Variants in INTS15 observed in about 807,000 individuals in gnomAD.
The protein encoded by INTS15 is uncharacterized protein C7orf26.
At chr7:6,600,005 G>T in the INTS15 span, 2 of 1,614,158 alleles carry the variant, frequency 1.2e-6, no homozygotes, top group South Asian at 2.2e-5. Flanking sequence ...GGCACCCCTG[G>T]CTTATAAAAG....
the INTS15 span, chr7:6,607,798 C>G: frequency 4.0e-6 from 6 of 1,486,724 alleles, no homozygotes; most frequent in Non-Finnish European, 4.5e-6. The surrounding 1 kb of genome is among the most constrained non-coding windows in gnomAD (Gnocchi z 6.0). Flanking sequence ...GGTCCTGGCT[C>G]TGCCACTGCT....
At chr7:6,606,157 G>C in the INTS15 span, among the ~76,000 whole-genome samples, 57 of 152,276 alleles carry the variant, frequency 3.7e-4, no homozygotes, top group African/African-American at 1.3e-3. Context: ...CTCCTCCTTG[G>C]GTTCGTTAAT....
chr7:6,607,549 C>T, the INTS15 span: 245 of 1,324,016 alleles, frequency 1.9e-4, no homozygotes, highest in Non-Finnish European at 2.3e-4. The surrounding 1 kb of genome is among the most constrained non-coding windows in gnomAD (Gnocchi z 6.0). Context: ...CTCTGAATTT[C>T]GGGGTCGTTT....
At chr7:6,603,648 G>T in the INTS15 span, among the ~76,000 whole-genome samples, 3 of 151,730 alleles carry the variant, frequency 2.0e-5, no homozygotes, top group Non-Finnish European at 1.5e-5. Flanking sequence ...AGTCCAACTT[G>T]GCCAACATGG....
chr7:6,605,208 C>T, the INTS15 span, among the ~76,000 whole-genome samples: 2 of 152,090 alleles, frequency 1.3e-5, no homozygotes, highest in East Asian at 3.9e-4. Context: ...AGGCTGGTCT[C>T]GAACTCCTGA....
At chr7:6,601,124 A>C in the INTS15 span, among the ~76,000 whole-genome samples, 2 of 151,900 alleles carry the variant, frequency 1.3e-5, no homozygotes, top group Non-Finnish European at 2.9e-5. Flanking sequence ...GTACCACCAC[A>C]CCCAGCTAAT....
the INTS15 span, chr7:6,590,142 CA>C: frequency 6.4e-6 from 4 of 625,200 alleles, no homozygotes; most frequent in Non-Finnish European, 9.4e-6. Flanking sequence ...AGGCAGGGAG[CA>C]GGCGGCGGCA....
chr7:6,590,556 A>G, the INTS15 span: 11 of 1,408,322 alleles, frequency 7.8e-6, no homozygotes, highest in South Asian at 1.5e-5. Flanking sequence ...GGCTGTGTCA[A>G]GCCGCGGGCG....
chr7:6,595,360 C>T, the INTS15 span, among the ~76,000 whole-genome samples: 3 of 152,046 alleles, frequency 2.0e-5, no homozygotes, highest in African/African-American at 7.2e-5. Context: ...GATGGAGTTT[C>T]ACTGTGTTGC....
the INTS15 span, among the ~76,000 whole-genome samples, chr7:6,598,766 TGTGTGTGTGTGTGTGTGTGTA>T: frequency 0.03 from 3,358 of 111,026 alleles, 68 homozygotes; most frequent in Middle Eastern, 0.047. Context: ...TGTGTGTGTG[TGTGTGTGTGTGTGTGTGTGTA>T]TTTTTTTTTT....
the INTS15 span, chr7:6,594,528 A>T: frequency 1.2e-6 from 2 of 1,614,136 alleles, no homozygotes. Flanking sequence ...GCTGAAGCAG[A>T]TATTCAGTGC....
chr7:6,602,833 C>A, the INTS15 span: 1 of 442,874 alleles, frequency 2.3e-6, no homozygotes. Context: ...CCTTGGTCAG[C>A]TTCCCTGCCT....
chr7:6,593,823 C>T, the INTS15 span, among the ~76,000 whole-genome samples: 1 of 150,820 alleles, frequency 6.6e-6, no homozygotes, highest in Non-Finnish European at 1.5e-5. Flanking sequence ...CTAATTTTTT[C>T]TATTTTTTAT....
At chr7:6,593,724 C>G in the INTS15 span, among the ~76,000 whole-genome samples, 2 of 148,712 alleles carry the variant, frequency 1.3e-5, no homozygotes, top group African/African-American at 5.0e-5. Flanking sequence ...ACGGGGCTCA[C>G]TGCAGACTCA....
chr7:6,590,096 C>A, the INTS15 span: 1 of 385,522 alleles, frequency 2.6e-6, no homozygotes, highest in African/African-American at 2.1e-5. Context: ...CTTCGGGCGC[C>A]TGCTGGCCGG....
At chr7:6,594,927 T>C in the INTS15 span, among the ~76,000 whole-genome samples, 2 of 152,158 alleles carry the variant, frequency 1.3e-5, no homozygotes, top group East Asian at 3.9e-4. Context: ...GGGGTTTTAA[T>C]GTGTTGGCCA....
the INTS15 span, among the ~76,000 whole-genome samples, chr7:6,598,468 CAAA>C: frequency 4.1e-5 from 5 of 121,240 alleles, no homozygotes; most frequent in Non-Finnish European, 6.6e-5. Context: ...GACTCCATCT[CAAA>C]AAAAAAAAAA....
chr7:6,602,841 C>T, the INTS15 span: 2 of 437,800 alleles, frequency 4.6e-6, no homozygotes, highest in Non-Finnish European at 9.7e-6. Flanking sequence ...AGCTTCCCTG[C>T]CTTCTGCCTG....
chr7:6,594,103 G>A, the INTS15 span, among the ~76,000 whole-genome samples: 1 of 142,090 alleles, frequency 7.0e-6, no homozygotes, highest in Admixed American at 7.7e-5. Context: ...CTGCTTCCCA[G>A]GTGTAAGTGA....
Sources: allele counts gnomAD v4.1 joint callset (sites outside exome capture counted in the v4.1 genomes callset), GRCh38; gene constraint gnomAD v4.1.1; non-coding constraint Gnocchi (gnomAD v3.1); transcripts MANE v1.5; gene names NCBI Gene and HGNC (gene_info 2026-07-23, HGNC 2026-07-21).